The following KDM2B variants were observed in gnomAD, a reference collection of about 807,000 sequenced individuals.
KDM2B encodes lysine-specific demethylase 2B.
A neutral mutation model predicts 150.0 loss-of-function variants in KDM2B; 26 were observed. That is an observed-to-expected ratio of 0.17 (90% CI 0.13 to 0.24). KDM2B has a LOEUF of 0.24. Ranked by LOEUF, KDM2B falls within the 10% of genes least tolerant of loss-of-function variation. The probability of loss-of-function intolerance (pLI) is 1.00; values close to 1 mark genes in which losing one functional copy is unlikely to be tolerated. For synonymous variants in KDM2B, 734 were observed against 729.5 expected (o/e 1.01, Z -0.10); for missense variants, 1,265 against 1,816.9 (o/e 0.70, Z 5.52).
chr12:121,466,958 C>T (rs1880072773), intron 12 of KDM2B, among the ~76,000 whole-genome samples: 1 of 148,280 alleles, frequency 6.7e-6, no homozygotes, highest in Non-Finnish European at 1.5e-5. Context: ...GCACACGCCC[C>T]CTGCCCGGGC....
intron 4 of KDM2B, among the ~76,000 whole-genome samples, chr12:121,565,607 C>G (rs896842677): frequency 4.6e-5 from 7 of 151,718 alleles, no homozygotes; most frequent in African/African-American, 1.7e-4. Flanking sequence ...CGCGGGCCAC[C>G]GCGCCTGGCC....
At chr12:121,424,559 C>T (rs1327264045), downstream of KDM2B, among the ~76,000 whole-genome samples, 2 of 151,870 alleles carry the variant, frequency 1.3e-5, no homozygotes, top group Non-Finnish European at 2.9e-5. Context: ...TGGCGAAACC[C>T]TGTCTTTGGA....
chr12:121,578,975 G>T (rs1177559311), intron 1 of KDM2B, 29 bp from the exon 2 acceptor site: 2 of 1,603,202 alleles, frequency 1.2e-6, no homozygotes, highest in Admixed American at 3.4e-5. Context: ...GAGAGCCCGG[G>T]ACATTATTGT....
At chr12:121,416,370 G>GACT in the KDM2B span, 1 of 1,606,982 alleles carries the variant, frequency 6.2e-7, no homozygotes, top group Non-Finnish European at 8.5e-7. Flanking sequence ...TCAGTCTTTA[G>GACT]AAAGAAGGTG....
At chr12:121,450,574 C>A (rs573122265) in intron 13 of KDM2B, among the ~76,000 whole-genome samples, 4 of 152,020 alleles carry the variant, frequency 2.6e-5, no homozygotes, top group South Asian at 2.1e-4. Context: ...GAAACAGGAA[C>A]CTTCATCGGG....
Position 121,429,976 on chromosome 12 carries a change from TA to T in KDM2B, c.*311del. The T allele has an allele frequency of 1.3e-6, 1 of 780,034 alleles. No individual in the cohort carries two copies. Among genetic ancestry groups the T allele is most frequent in the Non-Finnish European group, 2.2e-6 (1 of 447,950 alleles). 48.3% of individuals were successfully genotyped at this position (780,034 alleles called of 1,614,324 possible). A position where few individuals can be genotyped will look rare whatever the true frequency, so the allele number is the denominator to read the frequency against. ...CACCACTACCACTAACAGAAACTCC[TA>T]AGCTCATGCTTCAGTATGAGAATTT... On this transcript the variant is annotated 3_prime_UTR_variant, in exon 23 of 23. Transcript: ENST00000377071.
chr12:121,423,332 C>A, the KDM2B span: 3 of 1,443,784 alleles, frequency 2.1e-6, no homozygotes, highest in Non-Finnish European at 2.8e-6. This position sits in a 1 kb window ranked among gnomAD's most constrained non-coding sequence, Gnocchi z 4.3. Context: ...GGGAGGGTGG[C>A]TGGCTGACTG....
At position 121,575,928 on chromosome 12, in the gene KDM2B, G is replaced by C; in HGVS notation, c.272-69C>G. On this transcript the variant is annotated intron_variant, in intron 2 of 22. Transcript: ENST00000377071. The surrounding 1 kb of genome is among the most constrained non-coding windows in gnomAD (Gnocchi z 4.4). The stretch of plus-strand genomic sequence containing the variant: ...GGAGCAAATGAACCGGGATCTGTTG[G>C]TTAGGGGAAGAAAACTGATGGACGA... 5.0e-6 allele frequency: 6 copies of C among 1,206,820 alleles called. No individual in the cohort carries two copies. Among genetic ancestry groups the C allele is most frequent in the Non-Finnish European group, 7.4e-6 (6 of 810,664 alleles). 74.8% of individuals were successfully genotyped at this position (1,206,820 alleles called of 1,614,324 possible).
chr12:121,555,777 T>A (rs1422064551), intron 4 of KDM2B, among the ~76,000 whole-genome samples: 5 of 152,166 alleles, frequency 3.3e-5, no homozygotes, highest in Admixed American at 2.6e-4. Context: ...CTCAAATATC[T>A]CCAATGTTAG....
At position 121,550,751 on chromosome 12, in the gene KDM2B, C is replaced by T. The variant is rs144127197; in HGVS notation, c.398-1113G>A. Among the ~76,000 whole-genome samples, 621 of 152,282 alleles carry T rather than the reference C, an allele frequency of 4.1e-3. 5 individuals carry two copies. Among genetic ancestry groups the T allele is most frequent in the African/African-American group, 0.014 (599 of 41,558 alleles). Reference sequence around the variant, plus strand: ...TCAAGGGATCCACCCACCTCAGCCTCCCAAAGTACTGGGATTACAGGCATG... The same window carrying T: ...TCAAGGGATCCACCCACCTCAGCCTTCCAAAGTACTGGGATTACAGGCATG... On this transcript the variant is annotated intron_variant, in intron 4 of 22. Transcript: ENST00000377071.
In KDM2B at chr12:121,575,522, G is replaced by A. The variant is rs967236220; in HGVS notation, c.350+259C>T. On this transcript the variant is annotated intron_variant, in intron 3 of 22. Coordinates refer to ENST00000377071, the MANE Select transcript of KDM2B (RefSeq NM_032590.5). The surrounding 1 kb of genome is among the most constrained non-coding windows in gnomAD (Gnocchi z 4.4). ...CTGTAGGAGGTCACTGAGTGTAACT[G>A]GGGTGGGTCAGGGAAAAAAGTCAAC... is the stretch of plus-strand genomic sequence containing the variant. 6.6e-6 allele frequency among the ~76,000 whole-genome samples: 1 copy of A among 152,196 alleles called. No individual in the cohort carries two copies.
chr12:121,443,612 TG>T, intron 17 of KDM2B, 67 bp downstream of exon 17: 1 of 870,760 alleles, frequency 1.1e-6, no homozygotes. Flanking sequence ...ACCAGCGGGG[TG>T]GGGTGGGGGA....
At chr12:121,504,913 G>C (rs547721218) in intron 11 of KDM2B, among the ~76,000 whole-genome samples, 1 of 152,016 alleles carries the variant, frequency 6.6e-6, no homozygotes, top group Non-Finnish European at 1.5e-5. Context: ...TCAGGAGATC[G>C]AGACCATCCT....
rs564433553 is a variant in KDM2B at position 121,453,878 on chromosome 12, G to A, written c.1735-534C>T. On this transcript the variant is annotated intron_variant, in intron 12 of 22. Coordinates refer to ENST00000377071, the MANE Select transcript of KDM2B (RefSeq NM_032590.5). This position sits in a 1 kb window ranked among gnomAD's most constrained non-coding sequence, Gnocchi z 6.4. ...GGACGACAGAGGGCGCGTGCTTCTT[G>A]CCGCAGCACACAGCTCGAGACCTTC... Among the ~76,000 whole-genome samples the A allele has an allele frequency of 4.6e-5, 7 of 152,282 alleles. No individual in the cohort carries two copies. In the South Asian group the frequency reaches 1.2e-3, roughly 27 times the overall value.
intron 6 of KDM2B, among the ~76,000 whole-genome samples, chr12:121,546,702 C>A (rs561628636): frequency 6.7e-6 from 1 of 149,294 alleles, no homozygotes; most frequent in East Asian, 2.0e-4. Flanking sequence ...CGCGCCCAGC[C>A]TCTTTGTCTT....
rs782225787 is a variant in KDM2B, at chr12:121,430,914, T to C, written c.3830-445A>G. On this transcript the variant is annotated intron_variant, in intron 22 of 22. Coordinates refer to ENST00000377071, the MANE Select transcript of KDM2B (RefSeq NM_032590.5). The surrounding 1 kb of genome is among the most constrained non-coding windows in gnomAD (Gnocchi z 4.4). The stretch of plus-strand genomic sequence containing the variant: ...CTTCAGATAAATTCCCAGAGGGGCA[T>C]TGCTGGGTCACAGAAAGAACATCCC... 2.6e-5 allele frequency among the ~76,000 whole-genome samples: 4 copies of C among 152,184 alleles called. No homozygotes were observed. The highest frequency in any genetic ancestry group is 3.8e-4 in the East Asian group (2 of 5,206).
chr12:121,509,814 C>T lies in KDM2B; in HGVS notation c.1400G>A (p.Arg467Gln), dbSNP rs367599667. 5.0e-6 allele frequency: 8 copies of T among 1,613,964 alleles called. No homozygotes were observed. Among genetic ancestry groups the T allele is most frequent in the East Asian group, 4.5e-5 (2 of 44,886 alleles). The stretch of plus-strand genomic sequence containing the variant: ...ATTAGACAAAGTCCTTTTGAGGAAT[C>T]GCAGGGCAGGTGCTTTGGGCTTCTT... The part of the protein sequence containing the change: ...LGKKPKAPAL[R>Q]FLKRTLSNES... Residue 467 changes from arginine to glutamine, a missense_variant, in exon 11 of 23, where the codon CGA (arginine) becomes CAA (glutamine). This residue lies in a region of KDM2B where 154 missense variants were observed against 162.5 expected (regional missense o/e 0.95). Transcript: ENST00000377071.
chr12:121,498,378 C>T (rs781928013), intron 11 of KDM2B, among the ~76,000 whole-genome samples: 5 of 152,092 alleles, frequency 3.3e-5, no homozygotes, highest in Non-Finnish European at 2.9e-5. Flanking sequence ...AACACATGGC[C>T]CATTTAAAAA....
chr12:121,573,147 T>TG (rs1334435521), intron 4 of KDM2B, among the ~76,000 whole-genome samples: 1 of 144,354 alleles, frequency 6.9e-6, no homozygotes, highest in Admixed American at 6.9e-5. Flanking sequence ...TTTTTAGAGA[T>TG]GGGGTCTCAC....
Sources: gnomAD v4.1 joint callset for allele counts (sites outside exome capture counted in the v4.1 genomes callset) on GRCh38, gnomAD v4.1.1 for gene constraint, gnomAD v4.1.1 regional missense constraint, Gnocchi (gnomAD v3.1) non-coding constraint, MANE v1.5 for transcripts, NCBI Gene and HGNC (gene_info 2026-07-23, HGNC 2026-07-21) for gene names.